C1orf185: variants seen among roughly 807,000 people sequenced by gnomAD.
C1orf185 encodes the protein uncharacterized protein C1orf185.
A neutral mutation model predicts 16.1 loss-of-function variants in C1orf185; 13 were observed. The ratio of observed to expected loss-of-function variants is 0.81; its 90% CI spans 0.53 to 1.28. The LOEUF is 1.28. C1orf185 is among the 50% of genes most tolerant of loss of function. The pLI is 0.00. For missense variants in C1orf185, 220 were observed against 225.2 expected, an observed-to-expected ratio of 0.98 and a Z score of 0.15; for synonymous variants, 80 against 76.9, an observed-to-expected ratio of 1.04 and a Z score of -0.21.
intron 2 of C1orf185, among the ~76,000 whole-genome samples, chr1:51,114,775 CTG>C (rs1187725229): frequency 1.3e-5 from 2 of 152,144 alleles, no homozygotes; most frequent in South Asian, 2.1e-4. Context: ...ATTTTAATAA[CTG>C]TTTAAAATTG....
At chr1:51,103,587 G>A (rs1175569288) in intron 1 of C1orf185, among the ~76,000 whole-genome samples, 1 of 148,208 alleles carries the variant, frequency 6.7e-6, no homozygotes, top group Non-Finnish European at 1.5e-5. Flanking sequence ...AGGCTGGAGT[G>A]CAGTGGCGCA....
rs887450935 is a variant in C1orf185, at chr1:51,148,007, A to G, written c.*236A>G. On this transcript the variant is annotated 3_prime_UTR_variant, in exon 5 of 5. Coordinates refer to ENST00000371759, the MANE Select transcript of C1orf185 (RefSeq NM_001136508.2). Reference sequence around the variant, plus strand: ...TAGAAACAAAATTAGGAAGAACTAGAGTGATGTCATGAACATTAAGCTTAA... The same window carrying G: ...TAGAAACAAAATTAGGAAGAACTAGGGTGATGTCATGAACATTAAGCTTAA... The G allele has an allele frequency of 2.5e-6, 1 of 395,178 alleles. No homozygotes were observed. The highest frequency in any genetic ancestry group is 2.0e-5 in the African/African-American group (1 of 49,300). The allele number at this position is 395,178 out of a possible 1,614,324, so 24.5% of individuals were successfully genotyped here. A position where few individuals can be genotyped will look rare whatever the true frequency, so the allele number is the denominator to read the frequency against.
chr1:51,106,377 T>C (rs1202294160), intron 1 of C1orf185, among the ~76,000 whole-genome samples: 4 of 150,930 alleles, frequency 2.7e-5, no homozygotes, highest in Non-Finnish European at 5.9e-5. Context: ...CTATCTCTCT[T>C]TTTTTTTTAA....
chr1:51,128,607 C>A (rs776019741), intron 3 of C1orf185, among the ~76,000 whole-genome samples: 1 of 152,044 alleles, frequency 6.6e-6, no homozygotes, highest in African/African-American at 2.4e-5. Context: ...GCAGGATAAT[C>A]GCTTGAAATT....
chr1:51,102,298 G>A (rs1195093125), intron 1 of C1orf185, 49 bp downstream of exon 1: 1 of 704,878 alleles, frequency 1.4e-6, no homozygotes, highest in South Asian at 1.5e-5. Flanking sequence ...GGGAAGAAGA[G>A]GAAAATATAT....
chr1:51,109,377 T>C (rs1646099029), intron 1 of C1orf185, among the ~76,000 whole-genome samples: 1 of 152,176 alleles, frequency 6.6e-6, no homozygotes, highest in South Asian at 2.1e-4. Flanking sequence ...CTTCGCTTTG[T>C]TGGTTGTTTC....
intron 3 of C1orf185, among the ~76,000 whole-genome samples, chr1:51,139,405 A>C (rs896888514): frequency 6.6e-6 from 1 of 152,094 alleles, no homozygotes; most frequent in Admixed American, 6.6e-5. Context: ...CACCTGTCCA[A>C]ATTTTCTTTC....
At chr1:51,140,882 G>T (rs1292638524) in intron 3 of C1orf185, among the ~76,000 whole-genome samples, 1 of 151,906 alleles carries the variant, frequency 6.6e-6, no homozygotes, top group Non-Finnish European at 1.5e-5. Context: ...AATTGTTCTG[G>T]CTAGAGTTTT....
At chr1:51,134,034 A>G (rs1337033251) in intron 3 of C1orf185, among the ~76,000 whole-genome samples, 3 of 152,154 alleles carry the variant, frequency 2.0e-5, no homozygotes, top group East Asian at 3.9e-4. Flanking sequence ...GTGAGCTGAC[A>G]TGGCACCACT....
At chr1:51,104,970 A>ATT (rs374073717) in intron 1 of C1orf185, among the ~76,000 whole-genome samples, 69 of 142,206 alleles carry the variant, frequency 4.9e-4, no homozygotes, top group Non-Finnish European at 7.0e-4. Context: ...TTTCTTCTCC[A>ATT]TTTTTTTTTT....
chr1:51,126,481 G>A (rs891838212), intron 3 of C1orf185, among the ~76,000 whole-genome samples: 8 of 152,080 alleles, frequency 5.3e-5, no homozygotes, highest in African/African-American at 1.7e-4. Context: ...GGCTAATCTC[G>A]AACTCCTGGG....
chr1:51,152,197 T>A (rs1417726983), downstream of C1orf185, among the ~76,000 whole-genome samples: 1 of 152,058 alleles, frequency 6.6e-6, no homozygotes, highest in Non-Finnish European at 1.5e-5. Flanking sequence ...GGATCAGCAG[T>A]TGGAAGAACT....
At chr1:51,128,789 T>TTG (rs1346306744) in intron 3 of C1orf185, among the ~76,000 whole-genome samples, 2 of 152,240 alleles carry the variant, frequency 1.3e-5, no homozygotes, top group African/African-American at 4.8e-5. Context: ...CTGTATATAT[T>TTG]TGTGTGTGTG....
In C1orf185 at chr1:51,118,643, A is replaced by G. The variant is rs1646174804; in HGVS notation, c.123-23A>G. Reference sequence around the variant, plus strand: ...TATAATCTAACTCAGGTTTAATAATATTCTTTATAAAATATTTTTCAGAGA... The same window carrying G: ...TATAATCTAACTCAGGTTTAATAATGTTCTTTATAAAATATTTTTCAGAGA... On this transcript the variant is annotated intron_variant, in intron 2 of 4. Transcript: ENST00000371759. 5 of 1,282,804 alleles carry G rather than the reference A, an allele frequency of 3.9e-6. 1 individual carries two copies. In the Middle Eastern group the frequency reaches 1.1e-3, roughly 282 times the overall value. The allele number at this position is 1,282,804 out of a possible 1,614,324, so 79.5% of individuals were successfully genotyped here. A position where few individuals can be genotyped will look rare whatever the true frequency, so the allele number is the denominator to read the frequency against.
Position 51,123,948 on chromosome 1 carries a change from C to T in C1orf185, c.258+5147C>T, listed in dbSNP as rs181447043. Among the ~76,000 whole-genome samples the T allele has an allele frequency of 1.6e-3, 234 of 145,114 alleles. 2 individuals carry two copies. The highest frequency in any genetic ancestry group is 0.012 in the East Asian group (59 of 5,086). ...TTTTATACACACATGTATATATATA[C>T]ACACACACACACACACACATTATAT... On this transcript the variant is annotated intron_variant, in intron 3 of 4. Coordinates refer to ENST00000371759, the MANE Select transcript of C1orf185 (RefSeq NM_001136508.2).
intron 1 of C1orf185, among the ~76,000 whole-genome samples, chr1:51,108,567 T>C (rs182425303): frequency 1.3e-5 from 2 of 152,274 alleles, no homozygotes; most frequent in African/African-American, 4.8e-5. Flanking sequence ...AACCAACTTC[T>C]CATCATCCTC....
chr1:51,104,136 G>T (rs915722862), intron 1 of C1orf185, among the ~76,000 whole-genome samples: 1 of 152,008 alleles, frequency 6.6e-6, no homozygotes, highest in African/African-American at 2.4e-5. Flanking sequence ...TCCCCCTTAA[G>T]TCCCCCATGC....
intron 3 of C1orf185, among the ~76,000 whole-genome samples, chr1:51,125,510 T>C (rs879778454): frequency 2.0e-5 from 3 of 152,150 alleles, no homozygotes; most frequent in Non-Finnish European, 2.9e-5. Flanking sequence ...TATCCTAAAT[T>C]ATAAAGGGGG....
At chr1:51,127,968 A>G (rs1159792488) in intron 3 of C1orf185, among the ~76,000 whole-genome samples, 2 of 149,716 alleles carry the variant, frequency 1.3e-5, no homozygotes, top group Admixed American at 1.3e-4. Context: ...GCTCACTGCA[A>G]CCTGCACCTC....
Sources: gnomAD v4.1 joint callset for allele counts (sites outside exome capture counted in the v4.1 genomes callset) on GRCh38, gnomAD v4.1.1 for gene constraint, MANE v1.5 for transcripts, NCBI Gene and HGNC (gene_info 2026-07-23, HGNC 2026-07-21) for gene names.